NODAL: variants seen among roughly 807,000 people sequenced by gnomAD.
NODAL encodes the protein nodal growth differentiation factor, also known as nodal homolog.
NODAL carries 12 observed loss-of-function variants against 34.0 expected under a neutral mutation model. The ratio of observed to expected loss-of-function variants is 0.35; its 90% CI spans 0.23 to 0.57. The LOEUF is 0.57. Among genes scored for constraint, NODAL ranks in the 20% least tolerant of loss-of-function variants. The probability of loss-of-function intolerance (pLI) is 0.83; values close to 1 mark genes in which losing one functional copy is unlikely to be tolerated. For synonymous variants in NODAL, 162 were observed against 186.4 expected (o/e 0.87, Z 1.07); for missense variants, 390 against 444.2 (o/e 0.88, Z 1.10).
At chr10:70,434,912 A>G (rs1450893787) in intron 2 of NODAL, 1 of 270,160 alleles carries the variant, frequency 3.7e-6, no homozygotes, top group Non-Finnish European at 7.2e-6. Context: ...AGTATCACAC[A>G]GCTAATGAGG....
At chr10:70,440,145 G>A (rs1042651288) in intron 1 of NODAL, among the ~76,000 whole-genome samples, 5 of 152,194 alleles carry the variant, frequency 3.3e-5, no homozygotes, top group Non-Finnish European at 7.3e-5. Context: ...AGAAGGGAAG[G>A]CAGATAAACC....
In NODAL at chr10:70,435,591, G is replaced by A. The variant is rs200445211; in HGVS notation, c.586C>T (p.Leu196Phe). The A allele has an allele frequency of 1.1e-4, 181 of 1,613,976 alleles. No individual in the cohort carries two copies. Among genetic ancestry groups the A allele is most frequent in the Non-Finnish European group, 1.3e-4 (157 of 1,180,018 alleles). Residue 196 changes from leucine (L) to phenylalanine (F), a missense_variant, in exon 2 of 3, where the codon CTC becomes TTC. By Grantham distance (22) the Leu-to-Phe change is conservative. Transcript: ENST00000287139. ...TPPATNVLLMLYSNLSQEQRQ... is the reference protein window; with the variant it reads ...TPPATNVLLMFYSNLSQEQRQ... ...TGCTCCTGCGAGAGGTTGGAGTAGA[G>A]CATAAGGAGCACATTGGTGGCAGGC...
upstream of NODAL, among the ~76,000 whole-genome samples, chr10:70,445,848 A>G (rs1264374446): frequency 1.3e-5 from 2 of 152,024 alleles, no homozygotes; most frequent in African/African-American, 4.8e-5. Flanking sequence ...CTCTCAAATA[A>G]CGTCTTGCCT....
rs1022318812 is a variant in NODAL, at chr10:70,436,132, G to C, written c.194-149C>G. 2.4e-5 allele frequency: 17 copies of C among 718,948 alleles called. No individual in the cohort carries two copies. In the African/African-American group the frequency reaches 2.6e-4, roughly 11 times the overall value. The allele number at this position is 718,948 out of a possible 1,614,324, so 44.5% of individuals were successfully genotyped here. On this transcript the variant is annotated intron_variant, in intron 1 of 2. Coordinates refer to ENST00000287139, the MANE Select transcript of NODAL (RefSeq NM_018055.5). ...TCACCCCAACTCTATGAGTTGGTAA[G>C]ATTTTCGAGTCCCTTTTAGAGATGA...
At chr10:70,440,000 A>G (rs1320771830) in intron 1 of NODAL, among the ~76,000 whole-genome samples, 2 of 152,240 alleles carry the variant, frequency 1.3e-5, no homozygotes, top group Non-Finnish European at 2.9e-5. Context: ...TGAACCTGGG[A>G]GGCGGAGGTT....
Position 70,432,971 on chromosome 10 carries a change from T to C in NODAL, c.1009A>G (p.Lys337Glu), listed in dbSNP as rs755880329. The C allele has an allele frequency of 6.2e-7, 1 of 1,614,118 alleles. No homozygotes were observed. The highest frequency in any genetic ancestry group is 8.5e-7 in the Non-Finnish European group (1 of 1,180,042). The change falls in exon 3 of 3, where the codon AAA becomes GAA. Residue 337 changes from lysine to glutamate, a missense_variant. Coordinates refer to ENST00000287139, the MANE Select transcript of NODAL (RefSeq NM_018055.5). ...CCACATTCTTCCACGATCATGTCTT[T>C]ATGGTGATCTAGGAGCACTCTGCCA... ...DNGRVLLDHH[K>E]DMIVEECGCL
At chr10:70,439,397 TGTAA>T (rs1435736455) in intron 1 of NODAL, among the ~76,000 whole-genome samples, 2 of 152,174 alleles carry the variant, frequency 1.3e-5, no homozygotes, top group African/African-American at 4.8e-5. Context: ...GAGGCAGGGC[TGTAA>T]GGACCTGACA....
In NODAL at chr10:70,441,442, G is replaced by A. The variant is rs753654492; in HGVS notation, c.193+33C>T. The A allele has an allele frequency of 4.5e-6, 7 of 1,549,080 alleles. No homozygotes were observed. The Admixed American group carries it at 1.4e-4, about 30-fold the overall frequency. On this transcript the variant is annotated intron_variant, in intron 1 of 2. Transcript: ENST00000287139. ...GACGCGGCGGAGGCGCCCCGGGGGTGCCCAGCAGGGCGCGGCACGCGGCAC... is the reference window on the plus strand; with the variant it reads ...GACGCGGCGGAGGCGCCCCGGGGGTACCCAGCAGGGCGCGGCACGCGGCAC...
intron 1 of NODAL, among the ~76,000 whole-genome samples, chr10:70,440,453 G>A (rs916726456): frequency 6.6e-6 from 1 of 152,166 alleles, no homozygotes; most frequent in African/African-American, 2.4e-5. Context: ...CGGGAGCGAA[G>A]GGCCCCCGGC....
chr10:70,440,379 C>T (rs1173961281), intron 1 of NODAL, among the ~76,000 whole-genome samples: 1 of 152,228 alleles, frequency 6.6e-6, no homozygotes, highest in Non-Finnish European at 1.5e-5. Context: ...GAGGGTGTCC[C>T]CTGGTCTGGC....
chr10:70,440,733 C>T (rs138221391), intron 1 of NODAL, among the ~76,000 whole-genome samples: 177 of 152,310 alleles, frequency 1.2e-3, no homozygotes, highest in African/African-American at 4.0e-3. Flanking sequence ...CACCCACTCC[C>T]CTGCAAATCA....
chr10:70,444,491 G>A (rs1383165337), upstream of NODAL, among the ~76,000 whole-genome samples: 1 of 152,042 alleles, frequency 6.6e-6, no homozygotes, highest in Admixed American at 6.6e-5. Flanking sequence ...ACAGGCACAT[G>A]CCACCACGCC....
At chr10:70,447,075 C>CT (rs752664373) in intron 1 of NODAL, among the ~76,000 whole-genome samples, 52,202 of 134,562 alleles carry the variant, frequency 0.39, 11,429 homozygotes, top group Non-Finnish European at 0.43. Flanking sequence ...TCTTCTTCTT[C>CT]TTTTTTTTTT....
At chr10:70,434,190 G>A (rs532867000) in intron 2 of NODAL, among the ~76,000 whole-genome samples, 3 of 152,288 alleles carry the variant, frequency 2.0e-5, no homozygotes, top group Admixed American at 1.3e-4. Context: ...GGTCCCATAT[G>A]ACCTTGGACA....
At chr10:70,443,568 A>G (rs1346237896), upstream of NODAL, among the ~76,000 whole-genome samples, 1 of 152,120 alleles carries the variant, frequency 6.6e-6, no homozygotes. Context: ...GGCCAGACGC[A>G]GTGGCTCACG....
In NODAL at chr10:70,435,896, C is replaced by T. The variant is rs146018217; in HGVS notation, c.281G>A (p.Arg94Gln). 1.2e-4 allele frequency: 201 copies of T among 1,614,116 alleles called. 1 individual carries two copies. Among genetic ancestry groups the T allele is most frequent in the Middle Eastern group, 1.2e-3 (7 of 6,062 alleles). ...GTCCACAGGGCTGGACAGCTGCAGC[C>T]GGAGCTCAGCCCATGCCAGATCCTC... ...QQEDLAWAEL[R>Q]LQLSSPVDLP... is the part of the protein sequence containing the mutation. Residue 94 changes from arginine to glutamine, a missense_variant, in exon 2 of 3, where the codon CGG (arginine) becomes CAG (glutamine). Coordinates refer to ENST00000287139, the MANE Select transcript of NODAL (RefSeq NM_018055.5).
chr10:70,435,616 C>T lies in NODAL; in HGVS notation c.561G>A (p.Pro187=), dbSNP rs562953013. ...GCATAAGGAGCACATTGGTGGCAGG[C>T]GGTGTGGGGGGCCGCGGCCAGCACT... ...AGECWPRPPT[P]PATNVLLMLY... Residue 187 remains proline (P), a synonymous_variant, in exon 2 of 3, where the codon CCG becomes CCA. Transcript: ENST00000287139. 70 of 1,613,928 alleles carry T rather than the reference C, an allele frequency of 4.3e-5. No homozygotes were observed. Among genetic ancestry groups the T allele is most frequent in the South Asian group, 4.1e-4 (37 of 91,078 alleles).
At chr10:70,441,786 C>T, upstream of NODAL, 1 of 1,094,900 alleles carries the variant, frequency 9.1e-7, no homozygotes, top group Non-Finnish European at 1.3e-6. Flanking sequence ...AACCCCCCTC[C>T]GGAGGGTGGG....
At position 70,433,353 on chromosome 10, in the gene NODAL, T is replaced by A. The variant is rs7358086; in HGVS notation, c.892-265A>T. ...ATGTATCTGGGTAGAGTAGTAGCTA[T>A]TTTTTTTTTTAAGTGGTAGCTAATT... On this transcript the variant is annotated intron_variant, in intron 2 of 2. Coordinates refer to ENST00000287139, the MANE Select transcript of NODAL (RefSeq NM_018055.5). 0.48 allele frequency among the ~76,000 whole-genome samples: 71,295 copies of A among 148,806 alleles called. 17,170 individuals carry two copies. The highest frequency in any genetic ancestry group is 0.69 in the East Asian group (3,414 of 4,922).
Sources: gnomAD v4.1 joint callset for allele counts (sites outside exome capture counted in the v4.1 genomes callset) on GRCh38, gnomAD v4.1.1 for gene constraint, MANE v1.5 for transcripts, NCBI Gene and HGNC (gene_info 2026-07-23, HGNC 2026-07-21) for gene names.